Variants in RBM6 observed in about 807,000 individuals in gnomAD.
RBM6 encodes the protein RNA binding motif protein 6.
Under a neutral mutation model 140.4 loss-of-function variants are expected in RBM6, and 23 were observed. The ratio of observed to expected loss-of-function variants is 0.16; its 90% confidence interval spans 0.12 to 0.23. The LOEUF (loss-of-function observed/expected upper bound fraction) is 0.23. Ranked by LOEUF, RBM6 falls within the 10% of genes least tolerant of loss-of-function variation. The pLI is 1.00. For missense variants in RBM6, 1,139 were observed against 1,386.7 expected (o/e 0.82, Z 2.84); for synonymous variants, 439 against 475.6 (o/e 0.92, Z 1.00).
In RBM6 at chr3:49,997,063, A is replaced by G. The variant is rs1177612625; in HGVS notation, c.1484-2377A>G. 2.0e-5 allele frequency among the ~76,000 whole-genome samples: 3 copies of G among 152,242 alleles called. No individual in the cohort carries two copies. The South Asian group carries it at 6.2e-4, about 32-fold the overall frequency. ...CAAAGTATTTAGAATAAAATCTTGA[A>G]CCAACAAGTTTTATGTAAATATTAC... On this transcript the variant is annotated intron_variant, in intron 5 of 20. Transcript: ENST00000266022.
chr3:50,014,547 C>T (rs2087017288), intron 6 of RBM6, among the ~76,000 whole-genome samples: 1 of 152,178 alleles, frequency 6.6e-6, no homozygotes, highest in Admixed American at 6.5e-5. Context: ...TTTTCACATC[C>T]TTCTTTATAC....
chr3:50,025,606 T>TTTTTTTTTTG (rs1559601257), intron 6 of RBM6, among the ~76,000 whole-genome samples: 380 of 139,910 alleles, frequency 2.7e-3, no homozygotes, highest in Middle Eastern at 3.6e-3. Context: ...TTTTTTTTTT[T>TTTTTTTTTTG]AAGAGACAGG....
At chr3:49,972,817 C>T (rs2084862571) in intron 4 of RBM6, among the ~76,000 whole-genome samples, 1 of 152,158 alleles carries the variant, frequency 6.6e-6, no homozygotes, top group African/African-American at 2.4e-5. Context: ...AACTAAAGTA[C>T]AGGCGGGGCA....
At chr3:50,025,101 G>A (rs574486264) in intron 6 of RBM6, among the ~76,000 whole-genome samples, 111 of 150,036 alleles carry the variant, frequency 7.4e-4, no homozygotes, top group Non-Finnish European at 1.0e-3. Context: ...TCCCCCATTT[G>A]GAGCTATGGC....
chr3:50,070,576 G>A, intron 19 of RBM6, 24 bp downstream of exon 19: 2 of 1,554,730 alleles, frequency 1.3e-6, no homozygotes, highest in Non-Finnish European at 1.8e-6. Flanking sequence ...TCTTCATTCA[G>A]CCTAGGCCTC....
At chr3:49,979,246 A>G (rs986704529) in intron 5 of RBM6, among the ~76,000 whole-genome samples, 4 of 152,050 alleles carry the variant, frequency 2.6e-5, no homozygotes, top group African/African-American at 7.2e-5. Flanking sequence ...TAGAAAGCAG[A>G]TTGGTGGTTG....
chr3:50,061,956 T>C lies in RBM6; in HGVS notation c.2440-6T>C. ...GTAGACTTACTTGTTTCCAACTGTA[T>C]CGCAGCAAGAAGTCTATGTGCCCCA... On this transcript the variant is annotated splice_polypyrimidine_tract_variant and splice_region_variant and intron_variant, in intron 14 of 20. Coordinates refer to ENST00000266022, the MANE Select transcript of RBM6 (RefSeq NM_005777.3). 1 of 1,612,100 alleles carries C rather than the reference T, an allele frequency of 6.2e-7. No homozygotes were observed. Among genetic ancestry groups the C allele is most frequent in the East Asian group, 2.2e-5 (1 of 44,858 alleles).
At chr3:50,060,745 C>T in intron 11 of RBM6, 1 of 278,572 alleles carries the variant, frequency 3.6e-6, no homozygotes. Context: ...CAGAGCAAGA[C>T]TCCGTCTCAA....
Position 49,967,877 on chromosome 3 carries a change from C to A in RBM6, c.452C>A (p.Pro151His), listed in dbSNP as rs1410054520. 3 of 1,613,922 alleles carry A rather than the reference C, an allele frequency of 1.9e-6. No homozygotes were observed. The highest frequency in any genetic ancestry group is 2.5e-6 in the Non-Finnish European group (3 of 1,180,028). The change falls in exon 3 of 21, where the codon CCT becomes CAT. Residue 151 changes from proline (P) to histidine (H), a missense_variant. Physicochemically the swap from Pro to His is moderately conservative, Grantham distance 77 (BLOSUM62 -2). This residue lies in a region of RBM6 where 566 missense variants were observed against 612.7 expected (regional missense o/e 0.92). Coordinates refer to ENST00000266022, the MANE Select transcript of RBM6 (RefSeq NM_005777.3). This position sits in a 1 kb window ranked among gnomAD's most constrained non-coding sequence, Gnocchi z 4.0. ...ATGGATTATAGAGGTAGGGAGGCAC[C>A]TCATATGAACTACAGAGACAGGGAT... is the stretch of plus-strand genomic sequence containing the variant. ...TSMDYRGREAPHMNYRDRDAH... is the reference protein window; with the variant it reads ...TSMDYRGREAHHMNYRDRDAH...
At chr3:49,984,157 TGTG>T (rs914385054) in intron 5 of RBM6, among the ~76,000 whole-genome samples, 9 of 151,854 alleles carry the variant, frequency 5.9e-5, no homozygotes, top group African/African-American at 2.2e-4. Flanking sequence ...ATTAGCTGGA[TGTG>T]GTGGTGCATG....
intron 1 of RBM6, among the ~76,000 whole-genome samples, chr3:49,955,576 C>T (rs2083942889): frequency 6.6e-6 from 1 of 152,030 alleles, no homozygotes; most frequent in African/African-American, 2.4e-5. Flanking sequence ...GGCGCAGTGG[C>T]TCACGCCTGT....
At position 50,061,529 on chromosome 3, in the gene RBM6, T is replaced by C. The variant is rs748882200; in HGVS notation, c.2421T>C (p.Tyr807=). 2.5e-6 allele frequency: 4 copies of C among 1,610,360 alleles called. No homozygotes were observed. Among genetic ancestry groups the C allele is most frequent in the African/African-American group, 1.3e-5 (1 of 74,486 alleles). ...GYYYDPLAGT[Y]YDPNTQQEVY... ...ATTATGACCCCTTGGCAGGAACTTA[T>C]TATGACCCCAATACCCAGGTGAGTT... is the stretch of plus-strand genomic sequence containing the variant. Residue 807 remains tyrosine (Y), a synonymous_variant, in exon 14 of 21, where the codon TAT becomes TAC. Coordinates refer to ENST00000266022, the MANE Select transcript of RBM6 (RefSeq NM_005777.3).
intron 6 of RBM6, among the ~76,000 whole-genome samples, chr3:49,999,841 G>T (rs928410568): frequency 6.6e-6 from 1 of 151,632 alleles, no homozygotes; most frequent in African/African-American, 2.4e-5. Flanking sequence ...CTGATGCAAA[G>T]AATGATCCTT....
intron 3 of RBM6, among the ~76,000 whole-genome samples, chr3:49,970,184 A>T (rs1175580719): frequency 6.6e-6 from 1 of 151,780 alleles, no homozygotes; most frequent in Non-Finnish European, 1.5e-5. Flanking sequence ...CAAATGATCC[A>T]CCCTTCTCAG....
At chr3:49,957,777 C>T (rs1371098177) in intron 1 of RBM6, among the ~76,000 whole-genome samples, 1 of 151,250 alleles carries the variant, frequency 6.6e-6, no homozygotes, top group Non-Finnish European at 1.5e-5. Flanking sequence ...AGCAAAATTG[C>T]AATAATGCTA....
chr3:49,999,174 C>T (rs190593290), intron 5 of RBM6, among the ~76,000 whole-genome samples: 1 of 152,124 alleles, frequency 6.6e-6, no homozygotes. Context: ...GTACCTTCAC[C>T]AGATCACCAG....
chr3:49,950,632 G>A (rs11706185), intron 1 of RBM6, among the ~76,000 whole-genome samples: 59,197 of 151,750 alleles, frequency 0.39, 12,073 homozygotes, highest in Non-Finnish European at 0.44. Flanking sequence ...GTGCATGCCT[G>A]TAATCCCAGC....
At chr3:50,040,229 G>A (rs546760401) in intron 6 of RBM6, among the ~76,000 whole-genome samples, 3 of 151,958 alleles carry the variant, frequency 2.0e-5, no homozygotes, top group Admixed American at 6.6e-5. Flanking sequence ...GGCAGCTCAC[G>A]AGGTCAGGAG....
At chr3:49,968,770 CTTTTTTTTTTTTTTTT>C (rs569224640) in intron 3 of RBM6, 22 bp downstream of exon 3, 18 of 700,044 alleles carry the variant, frequency 2.6e-5, no homozygotes, top group East Asian at 7.2e-5. Flanking sequence ...GGGTGGATTG[CTTTTTTTTTTTTTTTT>C]TTTTTTTTTT....
Sources: allele counts gnomAD v4.1 joint callset (sites outside exome capture counted in the v4.1 genomes callset), GRCh38; gene constraint gnomAD v4.1.1; regional missense constraint gnomAD v4.1.1; non-coding constraint Gnocchi (gnomAD v3.1); transcripts MANE v1.5; gene names NCBI Gene and HGNC (gene_info 2026-07-23, HGNC 2026-07-21).